Variants in RASSF3 observed in about 807,000 individuals in gnomAD.
RASSF3 encodes the protein ras association domain-containing protein 3.
Under a neutral mutation model 19.9 loss-of-function variants are expected in RASSF3, and 19 were observed. That is an observed-to-expected ratio of 0.96 (90% CI 0.67 to 1.40). The LOEUF is 1.40. Among genes scored for constraint, RASSF3 ranks in the 40% most tolerant of loss-of-function variants. The probability of loss-of-function intolerance (pLI) is 0.00; values close to 1 mark genes in which losing one functional copy is unlikely to be tolerated. For synonymous variants in RASSF3, 110 were observed against 104.2 expected (o/e 1.06, Z -0.34); for missense variants, 306 against 289.8 (o/e 1.06, Z -0.41).
intron 2 of RASSF3, among the ~76,000 whole-genome samples, chr12:64,551,678 G>T (rs1301263020): frequency 6.6e-6 from 1 of 152,160 alleles, no homozygotes; most frequent in African/African-American, 2.4e-5. Flanking sequence ...CTGGTGTTTG[G>T]TGGGAAACTT....
chr12:64,539,454 C>T (rs1345999759), intron 1 of RASSF3, among the ~76,000 whole-genome samples: 2 of 152,100 alleles, frequency 1.3e-5, no homozygotes, highest in Admixed American at 6.6e-5. Flanking sequence ...CATAACATAT[C>T]TTCTCTTTTG....
chr12:64,592,788 C>T (rs1869945119), intron 2 of RASSF3, among the ~76,000 whole-genome samples: 2 of 152,064 alleles, frequency 1.3e-5, no homozygotes, highest in South Asian at 2.1e-4. Flanking sequence ...AGGTGCATGC[C>T]AAGATGCCTG....
chr12:64,661,456 T>G (rs1872354102), intron 1 of RASSF3, among the ~76,000 whole-genome samples: 1 of 152,028 alleles, frequency 6.6e-6, no homozygotes, highest in Non-Finnish European at 1.5e-5. Context: ...GCACTCCAGC[T>G]TGGGCGACAA....
At chr12:64,647,434 G>C (rs1051870395) in intron 1 of RASSF3, among the ~76,000 whole-genome samples, 1 of 145,002 alleles carries the variant, frequency 6.9e-6, no homozygotes, top group Non-Finnish European at 1.5e-5. Context: ...TTGGTGAGAC[G>C]GGGTCTTGCA....
In RASSF3 at chr12:64,563,301, G is replaced by A. The variant is rs1038083334; in HGVS notation, c.294+21596G>A. Among the ~76,000 whole-genome samples the A allele has an allele frequency of 9.2e-5, 14 of 151,888 alleles. No homozygotes were observed. The East Asian group carries it at 2.7e-3, about 29-fold the overall frequency. ...CCTGCCTCAGCCTCCCAAGTAGCTG[G>A]GATTACAGGCACCTGCCACCAGGCC... is the stretch of plus-strand genomic sequence containing the variant. On this transcript the variant is annotated intron_variant, in intron 2 of 5. Transcript: ENST00000637125.
upstream of RASSF3, among the ~76,000 whole-genome samples, chr12:64,605,778 C>T (rs1870179943): frequency 6.6e-6 from 1 of 151,260 alleles, no homozygotes; most frequent in Non-Finnish European, 1.5e-5. Context: ...ATCCTAGCTA[C>T]TCGGGAGGCT....
upstream of RASSF3, among the ~76,000 whole-genome samples, chr12:64,607,636 A>G (rs1870217308): frequency 6.6e-6 from 1 of 151,968 alleles, no homozygotes; most frequent in African/African-American, 2.4e-5. Context: ...CAGCCTCCCA[A>G]AATGCTGGCA....
intron 1 of RASSF3, among the ~76,000 whole-genome samples, chr12:64,658,358 C>T (rs1431302309): frequency 6.6e-6 from 1 of 152,096 alleles, no homozygotes; most frequent in Non-Finnish European, 1.5e-5. Context: ...CCACTGACTA[C>T]GGTTTCCCAA....
intron 2 of RASSF3, among the ~76,000 whole-genome samples, chr12:64,579,749 G>A (rs1055416326): frequency 2.0e-5 from 3 of 151,018 alleles, no homozygotes; most frequent in African/African-American, 7.3e-5. Context: ...GAAACTATAA[G>A]AGATTATAGG....
At chr12:64,688,123 G>C in intron 2 of RASSF3, 93 bp from the exon 3 acceptor site, 1 of 845,194 alleles carries the variant, frequency 1.2e-6, no homozygotes, top group Non-Finnish European at 2.0e-6. Flanking sequence ...GAGAACAAAG[G>C]AGTGTTTCAC....
At chr12:64,551,548 T>G (rs1353907019) in intron 2 of RASSF3, among the ~76,000 whole-genome samples, 1 of 152,110 alleles carries the variant, frequency 6.6e-6, no homozygotes, top group Non-Finnish European at 1.5e-5. Context: ...TGCACTCCAA[T>G]CTGGGAGACA....
upstream of RASSF3, among the ~76,000 whole-genome samples, chr12:64,607,430 C>T (rs182278217): frequency 1.2e-3 from 175 of 151,238 alleles, no homozygotes; most frequent in African/African-American, 3.9e-3. Flanking sequence ...AGTGCAGTGG[C>T]GTGATCTTGG....
At chr12:64,601,337 T>C (rs1381548810) in intron 2 of RASSF3, among the ~76,000 whole-genome samples, 2 of 152,174 alleles carry the variant, frequency 1.3e-5, no homozygotes, top group Non-Finnish European at 2.9e-5. Context: ...CTAGTAGTTA[T>C]TGCTATTTCA....
intron 1 of RASSF3, among the ~76,000 whole-genome samples, chr12:64,658,497 G>A (rs1872234749): frequency 6.6e-6 from 1 of 152,198 alleles, no homozygotes; most frequent in Non-Finnish European, 1.5e-5. Flanking sequence ...ACTAGTGAAA[G>A]TAAATTTAAT....
At position 64,579,539 on chromosome 12, in the gene RASSF3, G is replaced by T. The variant is rs534224019; in HGVS notation, c.294+37834G>T. Among the ~76,000 whole-genome samples the T allele has an allele frequency of 5.9e-5, 9 of 151,954 alleles. No individual in the cohort carries two copies. In the South Asian group the frequency reaches 1.7e-3, roughly 28 times the overall value. ...CTATTTTTTTTGTATTTTTAGTAGA[G>T]ACTGGGTTTCACCATATTAGCCAGG... On this transcript the variant is annotated intron_variant, in intron 2 of 5. Coordinates refer to the RASSF3 transcript ENST00000637125.
At chr12:64,543,707 G>A (rs1868997481), downstream of RASSF3, among the ~76,000 whole-genome samples, 1 of 151,410 alleles carries the variant, frequency 6.6e-6, no homozygotes, top group East Asian at 2.0e-4. Context: ...GGTGAAGCCT[G>A]CTGGGCTCCT....
At chr12:64,555,452 A>G (rs984969104) in intron 2 of RASSF3, among the ~76,000 whole-genome samples, 9 of 151,988 alleles carry the variant, frequency 5.9e-5, no homozygotes, top group African/African-American at 1.7e-4. Context: ...TTGTTTTACC[A>G]TAGAAAGCCT....
intron 1 of RASSF3, among the ~76,000 whole-genome samples, chr12:64,627,161 TG>T (rs1001954243): frequency 2.0e-5 from 3 of 152,330 alleles, no homozygotes; most frequent in African/African-American, 7.2e-5. Flanking sequence ...TACTAAAAAA[TG>T]GTTTTCTCTT....
intron 4 of RASSF3, among the ~76,000 whole-genome samples, chr12:64,693,198 T>C (rs1287337048): frequency 6.6e-6 from 1 of 151,444 alleles, no homozygotes; most frequent in African/African-American, 2.4e-5. Context: ...CCAGGAATTC[T>C]TCTACCACTG....
Sources: allele counts gnomAD v4.1 joint callset (sites outside exome capture counted in the v4.1 genomes callset), GRCh38; gene constraint gnomAD v4.1.1; transcripts MANE v1.5; gene names NCBI Gene and HGNC (gene_info 2026-07-23, HGNC 2026-07-21).